The following ATP8B4 variants were observed in gnomAD, a reference collection of about 807,000 sequenced individuals.
ATP8B4 encodes probable phospholipid-transporting ATPase IM.
A neutral mutation model predicts 145.6 loss-of-function variants in ATP8B4; 133 were observed. That is an observed-to-expected ratio of 0.91 (90% CI 0.79 to 1.05). ATP8B4 has a LOEUF of 1.05. Ranked by LOEUF, ATP8B4 falls within the 50% of genes least tolerant of loss-of-function variation. ATP8B4 has a pLI of 0.00. For missense variants in ATP8B4, 1,458 were observed against 1,425.2 expected (o/e 1.02, Z -0.37); for synonymous variants, 507 against 492.9 (o/e 1.03, Z -0.38).
intron 3 of ATP8B4, among the ~76,000 whole-genome samples, chr15:50,067,169 T>C (rs753656972): frequency 7.9e-5 from 12 of 152,158 alleles, no homozygotes; most frequent in Non-Finnish European, 1.6e-4. Flanking sequence ...CCAGCCGATA[T>C]TCCTAAATCT....
chr15:50,025,635 C>A (rs555381770), intron 6 of ATP8B4, among the ~76,000 whole-genome samples: 12 of 152,270 alleles, frequency 7.9e-5, no homozygotes, highest in African/African-American at 2.9e-4. Context: ...TACCAACCCC[C>A]ACAAAAAAAT....
intron 1 of ATP8B4, among the ~76,000 whole-genome samples, chr15:50,129,946 C>CAAAAAAAAAAAA (rs59921497): frequency 4.5e-5 from 4 of 88,148 alleles, no homozygotes; most frequent in African/African-American, 1.4e-4. Flanking sequence ...GACTCTGACT[C>CAAAAAAAAAAAA]AAAAAAAAAA....
At chr15:50,114,155 T>C (rs1317897900) in intron 1 of ATP8B4, among the ~76,000 whole-genome samples, 3 of 118,836 alleles carry the variant, frequency 2.5e-5, no homozygotes, top group Non-Finnish European at 4.9e-5. Context: ...TGGGAAACAG[T>C]TTGGTTACAT....
chr15:50,016,230 A>C (rs2049078566), intron 6 of ATP8B4, among the ~76,000 whole-genome samples: 2 of 152,212 alleles, frequency 1.3e-5, no homozygotes, highest in African/African-American at 2.4e-5. Flanking sequence ...CCCTTGCCCA[A>C]ATGAGCCTCC....
chr15:50,118,942 C>T (rs1272130213), intron 1 of ATP8B4, among the ~76,000 whole-genome samples, 181 bp downstream of exon 1: 1 of 152,112 alleles, frequency 6.6e-6, no homozygotes, highest in East Asian at 1.9e-4. Context: ...CAACTAACTC[C>T]CCCAAATTTA....
chr15:50,041,045 G>A (rs1252106130), intron 5 of ATP8B4, among the ~76,000 whole-genome samples: 1 of 152,148 alleles, frequency 6.6e-6, no homozygotes, highest in African/African-American at 2.4e-5. Context: ...TACATGGTAG[G>A]GTAAGGTGGT....
Position 50,130,205 on chromosome 15 carries a change from C to A in ATP8B4, c.-42-23197G>T, listed in dbSNP as rs145177922. 5.3e-5 allele frequency among the ~76,000 whole-genome samples: 8 copies of A among 152,326 alleles called. 1 individual carries two copies. Among genetic ancestry groups the A allele is most frequent in the African/African-American group, 1.9e-4 (8 of 41,586 alleles). On this transcript the variant is annotated intron_variant, in intron 1 of 3. Transcript: ENST00000558829. Reference sequence around the variant, plus strand: ...CATTCTCACTTCCTCTAGGAACCCTCTTCAGAGAATTTTAAGAAATCAGAG... The same window carrying A: ...CATTCTCACTTCCTCTAGGAACCCTATTCAGAGAATTTTAAGAAATCAGAG...
chr15:49,868,985 G>A (rs2033258173), intron 25 of ATP8B4, among the ~76,000 whole-genome samples: 1 of 152,038 alleles, frequency 6.6e-6, no homozygotes, highest in Non-Finnish European at 1.5e-5. Context: ...CTTGGCTCAT[G>A]GCGACCTCTG....
chr15:49,979,924 A>G, intron 11 of ATP8B4, 111 bp from the exon 12 acceptor site: 1 of 678,342 alleles, frequency 1.5e-6, no homozygotes, highest in Non-Finnish European at 2.4e-6. Flanking sequence ...AAAAGCAAGT[A>G]TGCAAACCTC....
At chr15:49,862,936 T>C (rs1052932343) in intron 26 of ATP8B4, among the ~76,000 whole-genome samples, 5 of 152,186 alleles carry the variant, frequency 3.3e-5, no homozygotes, top group African/African-American at 4.8e-5. Context: ...CACAATTCTC[T>C]CTTCCAGCAT....
chr15:49,939,242 A>C (rs930098472), intron 14 of ATP8B4, among the ~76,000 whole-genome samples: 3 of 152,130 alleles, frequency 2.0e-5, no homozygotes, highest in African/African-American at 7.2e-5. Context: ...CTAACACCAA[A>C]GCTAACAAAT....
chr15:50,020,240 C>A (rs565430366), intron 6 of ATP8B4, among the ~76,000 whole-genome samples: 1 of 149,454 alleles, frequency 6.7e-6, no homozygotes, highest in African/African-American at 2.5e-5. Flanking sequence ...TAGGCATAGG[C>A]TACTGCAACA....
chr15:50,136,085 C>T (rs781155612), intron 1 of ATP8B4, among the ~76,000 whole-genome samples: 63 of 152,112 alleles, frequency 4.1e-4, no homozygotes, highest in Non-Finnish European at 8.2e-4. Flanking sequence ...CTGATTGAGT[C>T]GATTACTGTG....
At chr15:50,001,778 T>C (rs1303870158) in intron 8 of ATP8B4, among the ~76,000 whole-genome samples, 1 of 152,154 alleles carries the variant, frequency 6.6e-6, no homozygotes, top group Non-Finnish European at 1.5e-5. Context: ...TTCCAAAAGG[T>C]TGCCTTTTAA....
intron 1 of ATP8B4, among the ~76,000 whole-genome samples, chr15:50,130,600 C>G (rs2057339255): frequency 6.6e-6 from 1 of 151,828 alleles, no homozygotes; most frequent in South Asian, 2.1e-4. Flanking sequence ...CAAGGTGAAA[C>G]CCCGTCTCTA....
At chr15:49,869,075 ATTT>A (rs2033277801) in intron 25 of ATP8B4, among the ~76,000 whole-genome samples, 1 of 151,854 alleles carries the variant, frequency 6.6e-6, no homozygotes, top group African/African-American at 2.4e-5. Context: ...TGCCTGGCTA[ATTT>A]TTTTGTATTT....
At chr15:49,918,739 G>A in intron 19 of ATP8B4, 100 bp downstream of exon 19, 1 of 805,470 alleles carries the variant, frequency 1.2e-6, no homozygotes, top group Admixed American at 2.3e-5. Flanking sequence ...GGAAGATTGG[G>A]TGAATATTTA....
intron 23 of ATP8B4, among the ~76,000 whole-genome samples, chr15:49,886,224 T>G (rs969514145): frequency 6.6e-6 from 1 of 151,788 alleles, no homozygotes; most frequent in African/African-American, 2.4e-5. Flanking sequence ...GGTAAGGGAG[T>G]CGGCAGACAG....
At chr15:49,876,819 T>C (rs2034508870) in intron 24 of ATP8B4, 49 of 494,782 alleles carry the variant, frequency 9.9e-5, no homozygotes, top group South Asian at 8.4e-4. Context: ...TGGCTTCAAA[T>C]TGAAGTTTCT....
Sources: allele counts gnomAD v4.1 joint callset (sites outside exome capture counted in the v4.1 genomes callset), GRCh38; gene constraint gnomAD v4.1.1; transcripts MANE v1.5; gene names NCBI Gene and HGNC (gene_info 2026-07-23, HGNC 2026-07-21).